MNAT1: variants seen among roughly 807,000 people sequenced by gnomAD.
MNAT1 encodes the protein CDK-activating kinase assembly factor MAT1.
Under a neutral mutation model 42.0 loss-of-function variants are expected in MNAT1, and 43 were observed. That is an observed-to-expected ratio of 1.02 (90% CI 0.80 to 1.32). The LOEUF is 1.32. Ranked by LOEUF, MNAT1 falls within the 40% of genes most tolerant of loss-of-function variation. The pLI, the probability that MNAT1 is intolerant of heterozygous loss-of-function variation, is 0.00. For missense variants in MNAT1, 306 were observed against 350.4 expected, an observed-to-expected ratio of 0.87 and a Z score of 1.01; for synonymous variants, 118 against 120.0, an observed-to-expected ratio of 0.98 and a Z score of 0.11.
intron 7 of MNAT1, among the ~76,000 whole-genome samples, chr14:60,947,816 G>A (rs181227789): frequency 6.6e-6 from 1 of 152,120 alleles, no homozygotes. Flanking sequence ...AGTTCTTTAT[G>A]CTCCAAATGG....
chr14:60,825,902 CG>C (rs1177264893), intron 6 of MNAT1, among the ~76,000 whole-genome samples: 4 of 151,968 alleles, frequency 2.6e-5, no homozygotes, highest in African/African-American at 9.7e-5. Context: ...AAAATGAAGT[CG>C]GATGTGCTCA....
chr14:60,770,477 GT>G (rs529079368), intron 1 of MNAT1, among the ~76,000 whole-genome samples: 1 of 151,862 alleles, frequency 6.6e-6, no homozygotes, highest in Non-Finnish European at 1.5e-5. Context: ...TTATTTTAAA[GT>G]TTTTTTTAGG....
At chr14:60,930,463 C>T (rs914013313) in intron 7 of MNAT1, among the ~76,000 whole-genome samples, 2 of 151,990 alleles carry the variant, frequency 1.3e-5, no homozygotes, top group South Asian at 4.1e-4. Context: ...CAAGATTCTC[C>T]TTCCTTCTGA....
Position 60,833,017 on chromosome 14 carries a change from A to T in MNAT1, c.687+14170A>T, listed in dbSNP as rs149647737. Reference sequence around the variant, plus strand: ...GTATAGGAATGCTTGTGACTTTTGCACATTGATTTTGTATCCTGAGACTTT... The same window carrying T: ...GTATAGGAATGCTTGTGACTTTTGCTCATTGATTTTGTATCCTGAGACTTT... On this transcript the variant is annotated intron_variant, in intron 6 of 7. Coordinates refer to ENST00000261245, the MANE Select transcript of MNAT1 (RefSeq NM_002431.4). 3.7e-3 allele frequency among the ~76,000 whole-genome samples: 557 copies of T among 152,232 alleles called. 2 individuals carry two copies. Among genetic ancestry groups the T allele is most frequent in the African/African-American group, 0.013 (526 of 41,538 alleles).
chr14:60,750,466 G>A (rs914450069), intron 1 of MNAT1, among the ~76,000 whole-genome samples: 15 of 149,684 alleles, frequency 1.0e-4, no homozygotes, highest in Non-Finnish European at 3.0e-5. Flanking sequence ...TCCTGACCTC[G>A]TGATCCGCTT....
chr14:60,917,693 G>T (rs2035555812), intron 7 of MNAT1, among the ~76,000 whole-genome samples: 1 of 151,308 alleles, frequency 6.6e-6, no homozygotes, highest in Admixed American at 6.6e-5. Context: ...CGTGATCTCG[G>T]CTCACTGCAA....
chr14:60,747,415 G>A (rs1359751747), intron 1 of MNAT1, among the ~76,000 whole-genome samples: 2 of 152,210 alleles, frequency 1.3e-5, no homozygotes, highest in Non-Finnish European at 2.9e-5. Flanking sequence ...GCTATAAGGT[G>A]TAGCTTATTG....
intron 7 of MNAT1, among the ~76,000 whole-genome samples, chr14:60,942,749 A>T (rs2036196069): frequency 6.6e-6 from 1 of 152,164 alleles, no homozygotes; most frequent in Admixed American, 6.5e-5. Context: ...CATTTTAGAA[A>T]TTAAAATTAA....
At chr14:60,881,986 C>T (rs138604029) in intron 7 of MNAT1, among the ~76,000 whole-genome samples, 1,942 of 151,988 alleles carry the variant, frequency 0.013, 40 homozygotes, top group African/African-American at 0.045. Context: ...ATGATGAAAC[C>T]CCGACTCTAC....
At chr14:60,907,193 A>G (rs752773572) in intron 7 of MNAT1, among the ~76,000 whole-genome samples, 4 of 152,106 alleles carry the variant, frequency 2.6e-5, no homozygotes, top group Non-Finnish European at 5.9e-5. Context: ...TGTAATCCCA[A>G]CACCCTCGAG....
intron 6 of MNAT1, among the ~76,000 whole-genome samples, chr14:60,855,894 A>C (rs557154110): frequency 6.6e-6 from 1 of 152,236 alleles, no homozygotes; most frequent in East Asian, 1.9e-4. Flanking sequence ...TTAATCGATA[A>C]ATGTTGCGTG....
chr14:60,788,146 G>A (rs1257138220), intron 1 of MNAT1, among the ~76,000 whole-genome samples: 1 of 152,050 alleles, frequency 6.6e-6, no homozygotes, highest in Non-Finnish European at 1.5e-5. Flanking sequence ...TTGACCCATG[G>A]GCTTTTGAAT....
chr14:60,841,504 A>G (rs1265446606), intron 6 of MNAT1, among the ~76,000 whole-genome samples: 1 of 150,404 alleles, frequency 6.6e-6, no homozygotes, highest in Non-Finnish European at 1.5e-5. Context: ...TGCACCTTTG[A>G]TTTCTCTCAT....
At chr14:60,908,077 G>C (rs1412050452) in intron 7 of MNAT1, among the ~76,000 whole-genome samples, 1 of 151,982 alleles carries the variant, frequency 6.6e-6, no homozygotes, top group African/African-American at 2.4e-5. Context: ...CAATTTTAAT[G>C]CACTCATTGA....
chr14:60,811,298 C>CTTTTT (rs569520885), intron 4 of MNAT1, among the ~76,000 whole-genome samples: 4 of 80,278 alleles, frequency 5.0e-5, no homozygotes, highest in Middle Eastern at 7.4e-3. Flanking sequence ...TCTATTCTTT[C>CTTTTT]TTTTTTTTTT....
At chr14:60,839,546 A>C (rs2033487450) in intron 6 of MNAT1, among the ~76,000 whole-genome samples, 4 of 152,216 alleles carry the variant, frequency 2.6e-5, no homozygotes, top group Admixed American at 6.5e-5. Context: ...TAACACAAAC[A>C]GGACTGAAAT....
chr14:60,734,992 C>G lies in MNAT1; in HGVS notation c.89+41C>G. 1 of 1,593,084 alleles carries G rather than the reference C, an allele frequency of 6.3e-7. No individual in the cohort carries two copies. Among genetic ancestry groups the G allele is most frequent in the Non-Finnish European group, 8.6e-7 (1 of 1,161,004 alleles). The stretch of plus-strand genomic sequence containing the variant: ...GTGGATTCCCTGGGGGAGAGACGCG[C>G]TGGGTGGGAGGAGAGGACCGGGAGA... On this transcript the variant is annotated intron_variant, in intron 1 of 7. Transcript: ENST00000261245. The surrounding 1 kb of genome is among the most constrained non-coding windows in gnomAD (Gnocchi z 4.3).
intron 7 of MNAT1, among the ~76,000 whole-genome samples, chr14:60,905,543 A>T (rs926295068): frequency 6.6e-6 from 1 of 152,176 alleles, no homozygotes. Context: ...AGAACCAGGG[A>T]AGTTCATAGT....
intron 1 of MNAT1, among the ~76,000 whole-genome samples, chr14:60,754,464 C>T (rs754730519): frequency 2.2e-4 from 33 of 151,548 alleles, no homozygotes; most frequent in Non-Finnish European, 3.7e-4. Flanking sequence ...TCTGCTGTCT[C>T]GCTCTCCTGA....
Sources: allele counts gnomAD v4.1 joint callset (sites outside exome capture counted in the v4.1 genomes callset), GRCh38; gene constraint gnomAD v4.1.1; non-coding constraint Gnocchi (gnomAD v3.1); transcripts MANE v1.5; gene names NCBI Gene and HGNC (gene_info 2026-07-23, HGNC 2026-07-21).